Variants in SGCZ observed in about 807,000 individuals in gnomAD.
The protein encoded by SGCZ is sarcoglycan zeta.
Under a neutral mutation model 41.3 loss-of-function variants are expected in SGCZ, and 40 were observed. That is an observed-to-expected ratio of 0.97 (90% CI 0.75 to 1.26). The LOEUF (loss-of-function observed/expected upper bound fraction) is 1.26, where lower values mean the gene tolerates loss of function less well. SGCZ is among the 50% of genes most tolerant of loss of function. The pLI is 0.00. For missense variants in SGCZ, 552 were observed against 369.8 expected (o/e 1.49, Z -4.04); for synonymous variants, 206 against 137.5 (o/e 1.50, Z -3.49).
At chr8:14,128,552 ATC>A (rs748157747) in intron 5 of SGCZ, among the ~76,000 whole-genome samples, 78 of 152,316 alleles carry the variant, frequency 5.1e-4, no homozygotes, top group Admixed American at 2.5e-3. Context: ...AGTATTTGGT[ATC>A]TACCTAAGGG....
chr8:14,642,063 T>C (rs1807043111), intron 1 of SGCZ, among the ~76,000 whole-genome samples: 1 of 151,626 alleles, frequency 6.6e-6, no homozygotes. Flanking sequence ...GATCATTAGT[T>C]TGTACAATTC....
chr8:14,574,242 G>C (rs528011001), intron 1 of SGCZ, among the ~76,000 whole-genome samples: 1 of 152,240 alleles, frequency 6.6e-6, no homozygotes, highest in East Asian at 1.9e-4. Flanking sequence ...CTCTGCAGCA[G>C]CCTCAGAAGC....
rs1015312260 is a variant in SGCZ, at chr8:14,825,379, A to T, written c.40-270453T>A. On this transcript the variant is annotated intron_variant, in intron 1 of 7. Coordinates refer to ENST00000382080, the MANE Select transcript of SGCZ (RefSeq NM_139167.4). ...TTTTTTAATACATGTGCTTAGATTT[A>T]TAGTAATACGGAACTTACTGAAGAA... Among the ~76,000 whole-genome samples, 28 of 152,350 alleles carry T rather than the reference A, an allele frequency of 1.8e-4. 1 individual carries two copies. Among genetic ancestry groups the T allele is most frequent in the African/African-American group, 5.8e-4 (24 of 41,588 alleles).
chr8:14,522,860 A>G (rs1238113739), intron 2 of SGCZ, among the ~76,000 whole-genome samples: 1 of 151,816 alleles, frequency 6.6e-6, no homozygotes, highest in Non-Finnish European at 1.5e-5. Flanking sequence ...ACTTAGTATT[A>G]TAAATTTTCT....
At chr8:14,364,362 T>A (rs1426417490) in intron 2 of SGCZ, among the ~76,000 whole-genome samples, 1 of 152,176 alleles carries the variant, frequency 6.6e-6, no homozygotes, top group Non-Finnish European at 1.5e-5. Flanking sequence ...TATTTTTTTC[T>A]GGTCCACATA....
At chr8:14,738,349 T>C (rs1674094432) in intron 1 of SGCZ, among the ~76,000 whole-genome samples, 1 of 152,058 alleles carries the variant, frequency 6.6e-6, no homozygotes, top group Non-Finnish European at 1.5e-5. Flanking sequence ...TCATGTGTGA[T>C]CTAAACCACT....
At chr8:14,690,523 G>C (rs965071234) in intron 1 of SGCZ, 1 of 152,132 alleles carries the variant, frequency 6.6e-6, no homozygotes, top group African/African-American at 2.4e-5. Flanking sequence ...AAGGCCAAAA[G>C]GGGTGTCTGG....
intron 5 of SGCZ, among the ~76,000 whole-genome samples, chr8:14,125,753 A>G (rs1470834964): frequency 6.6e-6 from 1 of 152,194 alleles, no homozygotes; most frequent in Non-Finnish European, 1.5e-5. Context: ...CCAAAATCAC[A>G]TGGTACTGGT....
At chr8:14,247,540 T>C (rs1486181773) in intron 3 of SGCZ, among the ~76,000 whole-genome samples, 1 of 152,210 alleles carries the variant, frequency 6.6e-6, no homozygotes, top group Non-Finnish European at 1.5e-5. Flanking sequence ...TAAAAGGGAA[T>C]AGTACTATCT....
At chr8:14,276,210 G>C (rs1800225443) in intron 3 of SGCZ, among the ~76,000 whole-genome samples, 1 of 152,154 alleles carries the variant, frequency 6.6e-6, no homozygotes, top group African/African-American at 2.4e-5. Flanking sequence ...TCTTTTGCAA[G>C]TCCTGTATGG....
intron 2 of SGCZ, among the ~76,000 whole-genome samples, chr8:14,535,333 G>A (rs755629677): frequency 2.6e-5 from 4 of 151,702 alleles, no homozygotes; most frequent in Non-Finnish European, 4.4e-5. Context: ...AAGTCTGCTT[G>A]CTTTCTCCTA....
At chr8:14,558,009 C>T (rs866572163) in intron 1 of SGCZ, among the ~76,000 whole-genome samples, 2 of 152,072 alleles carry the variant, frequency 1.3e-5, no homozygotes, top group Admixed American at 6.6e-5. Flanking sequence ...CACAGAAATA[C>T]AGAAGATCAT....
intron 1 of SGCZ, among the ~76,000 whole-genome samples, chr8:14,594,510 A>C (rs1805345821): frequency 6.6e-6 from 1 of 152,072 alleles, no homozygotes; most frequent in African/African-American, 2.4e-5. Flanking sequence ...AAACAAGAAA[A>C]TATAATTCCC....
intron 1 of SGCZ, among the ~76,000 whole-genome samples, chr8:14,798,193 T>G (rs1372169889): frequency 1.3e-5 from 2 of 152,200 alleles, no homozygotes; most frequent in African/African-American, 4.8e-5. Context: ...AGAAATCGTT[T>G]TAAAAACTCC....
At chr8:14,766,780 G>A (rs928359898) in intron 1 of SGCZ, among the ~76,000 whole-genome samples, 8 of 128,602 alleles carry the variant, frequency 6.2e-5, no homozygotes, top group Non-Finnish European at 9.3e-5. Flanking sequence ...GTTTTGCCAC[G>A]TTGCCCAGGC....
chr8:14,472,689 T>A (rs967563930), intron 2 of SGCZ, among the ~76,000 whole-genome samples: 4 of 152,136 alleles, frequency 2.6e-5, no homozygotes, highest in Non-Finnish European at 4.4e-5. Flanking sequence ...CCTATTTAAC[T>A]GGGAGAAGGA....
At chr8:14,554,350 C>A (rs1358034686) in intron 2 of SGCZ, among the ~76,000 whole-genome samples, 1 of 151,940 alleles carries the variant, frequency 6.6e-6, no homozygotes, top group Non-Finnish European at 1.5e-5. Flanking sequence ...TTCAAAGGCA[C>A]ATATGATTTA....
intron 1 of SGCZ, among the ~76,000 whole-genome samples, chr8:15,032,392 T>C (rs561354901): frequency 6.6e-6 from 1 of 152,252 alleles, no homozygotes; most frequent in South Asian, 2.1e-4. Flanking sequence ...TGGTGTTATA[T>C]GAGGTATCAT....
At chr8:14,238,643 C>A (rs1806854359) in intron 3 of SGCZ, among the ~76,000 whole-genome samples, 2 of 152,142 alleles carry the variant, frequency 1.3e-5, no homozygotes, top group African/African-American at 4.8e-5. Context: ...CCTACATTCT[C>A]ATTTTAACGC....
Sources: allele counts gnomAD v4.1 joint callset (sites outside exome capture counted in the v4.1 genomes callset), GRCh38; gene constraint gnomAD v4.1.1; transcripts MANE v1.5; gene names NCBI Gene and HGNC (gene_info 2026-07-23, HGNC 2026-07-21).